AFF2: variants seen among roughly 807,000 people sequenced by gnomAD.
AFF2 encodes the protein AF4/FMR2 family member 2.
Under a neutral mutation model 76.9 loss-of-function variants are expected in AFF2, and 14 were observed. The observed-to-expected ratio is 0.18, with a 90% CI of 0.12 to 0.28. The LOEUF (loss-of-function observed/expected upper bound fraction) is 0.28. Among genes scored for constraint, AFF2 ranks in the 10% least tolerant of loss-of-function variants. The probability of loss-of-function intolerance (pLI) is 1.00; values close to 1 mark genes in which losing one functional copy is unlikely to be tolerated. For missense variants in AFF2, 868 were observed against 1,001.1 expected, an observed-to-expected ratio of 0.87 and a Z score of 1.79; for synonymous variants, 398 against 366.7, an observed-to-expected ratio of 1.09 and a Z score of -0.98.
intron 3 of AFF2, among the ~76,000 whole-genome samples, chrX:148,669,308 T>C (rs1230661383): frequency 1.8e-5 from 2 of 111,947 alleles, no homozygotes; most frequent in African/African-American, 6.5e-5. Flanking sequence ...CTCCAAACTG[T>C]CCCAATCTCT....
intron 13 of AFF2, among the ~76,000 whole-genome samples, chrX:148,965,112 G>A (rs189871750): frequency 8.9e-6 from 1 of 111,914 alleles, no homozygotes; most frequent in East Asian, 2.8e-4. Context: ...CTTTGTTCAG[G>A]AAGCTCAAGC....
At position 148,758,900 on chromosome X, in the gene AFF2, C is replaced by A. The variant is rs782024796; in HGVS notation, c.1042-50976C>A. 1.3e-4 allele frequency among the ~76,000 whole-genome samples: 15 copies of A among 111,635 alleles called. No homozygotes were observed. The South Asian group carries it at 3.4e-3, about 25-fold the overall frequency. On this transcript the variant is annotated intron_variant, in intron 3 of 20. Coordinates refer to ENST00000370460, the MANE Select transcript of AFF2 (RefSeq NM_002025.4). ...TTCCCAACTGTCCTGAGATTCCCAACTGAGCTGGGATTATAGGGGTCCGCC... is the reference window on the plus strand; with the variant it reads ...TTCCCAACTGTCCTGAGATTCCCAAATGAGCTGGGATTATAGGGGTCCGCC...
chrX:148,578,454 A>T (rs1479182019), intron 1 of AFF2, among the ~76,000 whole-genome samples: 1 of 111,664 alleles, frequency 9.0e-6, no homozygotes, highest in African/African-American at 3.3e-5. Flanking sequence ...CCATGGCATG[A>T]CACTAATAGG....
At position 148,827,368 on chromosome X, in the gene AFF2, A is replaced by G. The variant is rs376293468; in HGVS notation, c.1087-10279A>G. Among the ~76,000 whole-genome samples the G allele has an allele frequency of 4.5e-5, 5 of 112,280 alleles. No individual in the cohort carries two copies. The East Asian group carries it at 1.4e-3, about 32-fold the overall frequency. ...GATAAGTGTAAACTACAAGAAAGCTATCATGTTTGAAAAGCTACAGCAGCC... is the reference window on the plus strand; with the variant it reads ...GATAAGTGTAAACTACAAGAAAGCTGTCATGTTTGAAAAGCTACAGCAGCC... On this transcript the variant is annotated intron_variant, in intron 4 of 20. Coordinates refer to ENST00000370460, the MANE Select transcript of AFF2 (RefSeq NM_002025.4).
chrX:148,518,465 A>C (rs2052562124), intron 1 of AFF2, among the ~76,000 whole-genome samples: 1 of 112,734 alleles, frequency 8.9e-6, no homozygotes, highest in South Asian at 3.6e-4. Context: ...AGACATTTAT[A>C]AACCAATGTC....
chrX:148,504,869 G>C (rs782368374), intron 1 of AFF2, among the ~76,000 whole-genome samples: 7 of 110,329 alleles, frequency 6.3e-5, no homozygotes, highest in Middle Eastern at 4.6e-3. Context: ...CCGAGGCCTC[G>C]TTAGCTACAA....
chrX:148,828,903 T>C (rs1336432072), intron 4 of AFF2, among the ~76,000 whole-genome samples: 3 of 112,174 alleles, frequency 2.7e-5, no homozygotes, highest in African/African-American at 9.7e-5. Flanking sequence ...AGATTCAGAA[T>C]ACTGATCACT....
intron 1 of AFF2, among the ~76,000 whole-genome samples, chrX:148,622,318 T>G (rs1309389900): frequency 9.0e-6 from 1 of 111,715 alleles, no homozygotes; most frequent in East Asian, 2.9e-4. Flanking sequence ...TTGTGGGAGT[T>G]GGCACATCTG....
At chrX:148,743,459 G>T (rs782131541) in intron 3 of AFF2, among the ~76,000 whole-genome samples, 1 of 112,053 alleles carries the variant, frequency 8.9e-6, no homozygotes, top group Admixed American at 9.5e-5. Context: ...TTCTTATTAT[G>T]TACAGATATT....
chrX:148,816,287 C>T (rs2070263714), intron 4 of AFF2, among the ~76,000 whole-genome samples: 4 of 111,368 alleles, frequency 3.6e-5, no homozygotes, highest in African/African-American at 1.3e-4. Context: ...AGGCATCTCC[C>T]AGTTTTGAAA....
At chrX:148,861,487 AC>A (rs1267761217) in intron 7 of AFF2, among the ~76,000 whole-genome samples, 1 of 112,242 alleles carries the variant, frequency 8.9e-6, no homozygotes, top group Non-Finnish European at 1.9e-5. Context: ...GTTAAAAAAA[AC>A]TAACAAGTCT....
At chrX:148,604,173 G>A (rs1235875400) in intron 1 of AFF2, among the ~76,000 whole-genome samples, 2 of 111,026 alleles carry the variant, frequency 1.8e-5, no homozygotes, top group Non-Finnish European at 3.8e-5. Context: ...TTGGAAGATG[G>A]GTTTACTCAA....
intron 1 of AFF2, among the ~76,000 whole-genome samples, chrX:148,587,716 A>G (rs910545370): frequency 8.9e-6 from 1 of 112,318 alleles, no homozygotes; most frequent in Non-Finnish European, 1.9e-5. Flanking sequence ...GCCTGGCCCT[A>G]AAGTACCCTT....
At chrX:148,784,159 C>T (rs376149119) in intron 3 of AFF2, among the ~76,000 whole-genome samples, 12 of 112,175 alleles carry the variant, frequency 1.1e-4, no homozygotes, top group African/African-American at 3.9e-4. Flanking sequence ...TCCCTAATGC[C>T]AGAGAACTTG....
At chrX:148,836,574 T>C (rs2070528794) in intron 4 of AFF2, among the ~76,000 whole-genome samples, 1 of 111,323 alleles carries the variant, frequency 9.0e-6, no homozygotes, top group East Asian at 2.8e-4. Flanking sequence ...AAATCCCTAC[T>C]TTATTTCTAT....
intron 1 of AFF2, among the ~76,000 whole-genome samples, chrX:148,526,692 C>T (rs1557235252): frequency 9.0e-6 from 1 of 111,376 alleles, no homozygotes; most frequent in East Asian, 2.8e-4. Context: ...GAAATATATA[C>T]ACGTACATGC....
chrX:148,631,908 C>T (rs1272912683), intron 1 of AFF2, among the ~76,000 whole-genome samples: 5 of 111,662 alleles, frequency 4.5e-5, no homozygotes, highest in Non-Finnish European at 5.6e-5. Flanking sequence ...TGCAAGGTTG[C>T]CAGGGTACCA....
intron 9 of AFF2, among the ~76,000 whole-genome samples, chrX:148,908,615 T>C (rs1228839957): frequency 9.0e-6 from 1 of 111,729 alleles, no homozygotes; most frequent in Non-Finnish European, 1.9e-5. Context: ...CATTTGATTG[T>C]CTTTTTGAGC....
chrX:148,905,649 G>A (rs2071400503), intron 9 of AFF2, among the ~76,000 whole-genome samples: 1 of 112,536 alleles, frequency 8.9e-6, no homozygotes, highest in African/African-American at 3.2e-5. Flanking sequence ...AAGGAGTGGG[G>A]CTAGGGCTGG....
Sources: gnomAD v4.1 joint callset for allele counts (sites outside exome capture counted in the v4.1 genomes callset) on GRCh38, gnomAD v4.1.1 for gene constraint, MANE v1.5 for transcripts, NCBI Gene and HGNC (gene_info 2026-07-23, HGNC 2026-07-21) for gene names.